Variants in ZNF335 observed in about 807,000 individuals in gnomAD.
ZNF335 encodes NRC-interacting factor 1.
In ZNF335, 84 loss-of-function variants were observed where a neutral mutation model predicts 145.6. The ratio of observed to expected loss-of-function variants is 0.58; its 90% confidence interval spans 0.48 to 0.69. The LOEUF (loss-of-function observed/expected upper bound fraction) is 0.69. ZNF335 is among the 30% of genes least tolerant of loss of function. The pLI, the probability that ZNF335 is intolerant of heterozygous loss-of-function variation, is 0.00. For missense variants in ZNF335, 1,865 were observed against 1,809.7 expected (o/e 1.03, Z -0.55); for synonymous variants, 761 against 717.0 (o/e 1.06, Z -0.98).
intron 20 of ZNF335, 33 bp from the exon 21 acceptor site, chr20:45,950,628 G>T (rs1215556791): frequency 1.9e-6 from 3 of 1,608,124 alleles, no homozygotes; most frequent in South Asian, 1.1e-5. Flanking sequence ...GGCATTGGCT[G>T]GGTCAGGACA....
At position 45,960,816 on chromosome 20, in the gene ZNF335, A is replaced by C. The variant is rs771266072; in HGVS notation, c.1665+48T>G. The stretch of plus-strand genomic sequence containing the variant: ...CTCCCCTCTTGTCCTCACCCCCATA[A>C]ACAACCCCCGGGCAGGTTCCCTTCC... On this transcript the variant is annotated intron_variant, in intron 11 of 27. Transcript: ENST00000322927. 8.1e-6 allele frequency: 13 copies of C among 1,613,702 alleles called. No individual in the cohort carries two copies. The Admixed American group carries it at 2.2e-4, about 27-fold the overall frequency.
chr20:45,959,426 C>T lies in ZNF335; in HGVS notation c.2028G>A (p.Lys676=). 6.9e-7 allele frequency: 1 copy of T among 1,454,996 alleles called. No individual in the cohort carries two copies. Among genetic ancestry groups the T allele is most frequent in the Non-Finnish European group, 9.2e-7 (1 of 1,087,878 alleles). The allele number at this position is 1,454,996 out of a possible 1,614,324, so 90.1% of individuals were successfully genotyped here. A position where few individuals can be genotyped will look rare whatever the true frequency, so the allele number is the denominator to read the frequency against. The change falls in exon 15 of 28, where the codon AAG becomes AAA. Residue 676 remains lysine, a synonymous_variant. Transcript: ENST00000322927. The part of the protein sequence containing the change: ...SHVAVKHTGA[K]PFACEYCHFS... Reference sequence around the variant, plus strand: ...AGTGGCAGTACTCACAGGCGAAGGGCTTGGCCCCTGGAGGCACATGTTGGG... The same window carrying T: ...AGTGGCAGTACTCACAGGCGAAGGGTTTGGCCCCTGGAGGCACATGTTGGG...
intron 1 of ZNF335, 187 bp downstream of exon 1, chr20:45,971,935 G>A: frequency 1.0e-6 from 1 of 985,448 alleles, no homozygotes; most frequent in Non-Finnish European, 1.2e-6. Flanking sequence ...CTCCAGGCCC[G>A]ACGCCATCTT....
At chr20:45,972,027 C>G in intron 1 of ZNF335, 95 bp downstream of exon 1, 1 of 1,239,580 alleles carries the variant, frequency 8.1e-7, no homozygotes, top group South Asian at 1.3e-5. Flanking sequence ...CGGACAGCCC[C>G]GCCGGCCTGG....
At chr20:45,969,344 A>T in intron 3 of ZNF335, 107 bp downstream of exon 3, 1 of 1,336,340 alleles carries the variant, frequency 7.5e-7, no homozygotes. Flanking sequence ...CACTCTGCAC[A>T]TTCCACATGG....
intron 4 of ZNF335, 78 bp downstream of exon 4, chr20:45,968,205 CGG>C (rs2083996857): frequency 6.5e-7 from 1 of 1,533,316 alleles, no homozygotes; most frequent in Non-Finnish European, 9.0e-7. Flanking sequence ...GGGCCACAGA[CGG>C]AATCCGCGGC....
chr20:45,949,215 C>A lies in ZNF335; in HGVS notation c.3856G>T (p.Val1286Phe). Residue 1286 changes from valine (V) to phenylalanine (F), a missense_variant, in exon 27 of 28, where the codon GTC becomes TTC. Coordinates refer to ENST00000322927, the MANE Select transcript of ZNF335 (RefSeq NM_022095.4). ...GCAGCCTCAAGTTGAGCCTGTGTGA[C>A]AAGCTGCTGGCCTGGGGACACAGGC... ...YVPVSPGQQL[V>F]TQAQLEAAAH... 1 of 1,613,948 alleles carries A rather than the reference C, an allele frequency of 6.2e-7. No homozygotes were observed. The highest frequency in any genetic ancestry group is 8.5e-7 in the Non-Finnish European group (1 of 1,180,004).
chr20:45,949,527 G>A lies in ZNF335; in HGVS notation c.3711C>T (p.Leu1237=). The change falls in exon 25 of 28, where the codon CTC becomes CTT. Residue 1237 remains leucine, a synonymous_variant. Coordinates refer to ENST00000322927, the MANE Select transcript of ZNF335 (RefSeq NM_022095.4). ...IISQDGVQHL[L]PQEYVVVPEG... is the part of the protein sequence containing the mutation. ...CAGGGACCACAACATATTCCTGGGG[G>A]AGCAGGTGCTGGACACCATCCTGGG... The A allele has an allele frequency of 6.2e-7, 1 of 1,613,444 alleles. No homozygotes were observed.
intron 17 of ZNF335, among the ~76,000 whole-genome samples, chr20:45,957,143 T>C (rs1309734691): frequency 6.6e-6 from 1 of 152,130 alleles, no homozygotes; most frequent in African/African-American, 2.4e-5. Context: ...CCAAGACCCC[T>C]GGAACGCGAG....
At chr20:45,968,701 C>T in intron 3 of ZNF335, 1 of 294,298 alleles carries the variant, frequency 3.4e-6, no homozygotes, top group Non-Finnish European at 6.5e-6. Context: ...GCACCACTTT[C>T]TTAGGGTTGG....
In ZNF335 at chr20:45,952,318, C is replaced by G. The variant is rs758841641; in HGVS notation, c.3018G>C (p.Pro1006=). The change falls in exon 20 of 28, where the codon CCG becomes CCC. Residue 1006 remains proline, a synonymous_variant. Transcript: ENST00000322927. ...TSKALGLAVP[P]SPPSAATAAS... is the part of the protein sequence containing the mutation. ...CAGCAGTGGCTGCAGATGGCGGTGA[C>G]GGGGGCACTGCCAGGCCCAGGGCTT... 6.2e-7 allele frequency: 1 copy of G among 1,613,406 alleles called. No homozygotes were observed. The highest frequency in any genetic ancestry group is 1.1e-5 in the South Asian group (1 of 91,064).
chr20:45,951,384 C>CA (rs2083628538), intron 20 of ZNF335, among the ~76,000 whole-genome samples: 1 of 152,258 alleles, frequency 6.6e-6, no homozygotes, highest in Non-Finnish European at 1.5e-5. Context: ...CTGGCCCACT[C>CA]ACCTTCTCCA....
Position 45,949,556 on chromosome 20 carries a change from T to A in ZNF335, c.3682A>T (p.Ile1228Phe). 1 of 1,611,772 alleles carries A rather than the reference T, an allele frequency of 6.2e-7. No homozygotes were observed. The highest frequency in any genetic ancestry group is 8.5e-7 in the Non-Finnish European group (1 of 1,179,556). The change falls in exon 25 of 28, where the codon ATC becomes TTC. Residue 1228 changes from isoleucine (I) to phenylalanine (F), a missense_variant. By Grantham distance (21) the Ile-to-Phe change is conservative. Transcript: ENST00000322927. ...AGGTGCTGGACACCATCCTGGGAGATGATATACTGCACCTGTTGGTGGGGG... is the reference window on the plus strand; with the variant it reads ...AGGTGCTGGACACCATCCTGGGAGAAGATATACTGCACCTGTTGGTGGGGG... ...VTSDNQVQYIISQDGVQHLLP... is the reference protein window; with the variant it reads ...VTSDNQVQYIFSQDGVQHLLP...
intron 10 of ZNF335, 24 bp downstream of exon 10, chr20:45,962,046 G>T: frequency 2.2e-6 from 2 of 910,902 alleles, no homozygotes; most frequent in Non-Finnish European, 3.4e-6. Flanking sequence ...CTCTTGCCCA[G>T]GTCCCTCCCA....
intron 6 of ZNF335, 31 bp downstream of exon 6, chr20:45,967,463 G>T: frequency 6.2e-7 from 1 of 1,614,046 alleles, no homozygotes; most frequent in Non-Finnish European, 8.5e-7. Flanking sequence ...TGGGCATAGG[G>T]ATGGCAGGCC....
In ZNF335 at chr20:45,948,941, G is replaced by T; in HGVS notation, c.*12C>A. Reference sequence around the variant, plus strand: ...GGCCGCAAATCCATGATCTGTGTTGGGCCCTCGGGGCTCAGTCATCGGCCA... The same window carrying T: ...GGCCGCAAATCCATGATCTGTGTTGTGCCCTCGGGGCTCAGTCATCGGCCA... On this transcript the variant is annotated 3_prime_UTR_variant, in exon 28 of 28. Coordinates refer to ENST00000322927, the MANE Select transcript of ZNF335 (RefSeq NM_022095.4). The T allele has an allele frequency of 6.2e-7, 1 of 1,613,788 alleles. No homozygotes were observed.
At position 45,960,224 on chromosome 20, in the gene ZNF335, C is replaced by T. The variant is rs1223996684; in HGVS notation, c.2004G>A (p.Val668=). 6.2e-7 allele frequency: 1 copy of T among 1,614,148 alleles called. No individual in the cohort carries two copies. Among genetic ancestry groups the T allele is most frequent in the Non-Finnish European group, 8.5e-7 (1 of 1,180,026 alleles). Residue 668 remains valine, a synonymous_variant, in exon 14 of 28, where the codon GTG becomes GTA. Transcript: ENST00000322927. ...CAGCCTGACCTGTGTGCTTGACAGC[C>T]ACATGGGACAGCAAGAAGTCCTCTC... ...TFREDFLLSH[V]AVKHTGAKPF...
intron 2 of ZNF335, 168 bp from the exon 3 acceptor site, chr20:45,969,859 A>G: frequency 1.2e-6 from 1 of 817,984 alleles, no homozygotes; most frequent in Non-Finnish European, 1.8e-6. Flanking sequence ...CCCTCCAGTC[A>G]CAGAGTCCCC....
At chr20:45,962,489 C>A (rs573801125) in intron 9 of ZNF335, among the ~76,000 whole-genome samples, 1 of 152,202 alleles carries the variant, frequency 6.6e-6, no homozygotes, top group Non-Finnish European at 1.5e-5. Context: ...AGCATGGCGC[C>A]GCAGCCTCCA....
Sources: gnomAD v4.1 joint callset for allele counts (sites outside exome capture counted in the v4.1 genomes callset) on GRCh38, gnomAD v4.1.1 for gene constraint, MANE v1.5 for transcripts, NCBI Gene and HGNC (gene_info 2026-07-23, HGNC 2026-07-21) for gene names.